The following GRHL2 variants were observed in gnomAD, a reference collection of about 807,000 sequenced individuals.
GRHL2 encodes the protein grainyhead-like protein 2 homolog.
Under a neutral mutation model 83.8 loss-of-function variants are expected in GRHL2, and 21 were observed. The ratio of observed to expected loss-of-function variants is 0.25; its 90% CI spans 0.18 to 0.36. GRHL2 has a LOEUF of 0.36. Among genes scored for constraint, GRHL2 ranks in the 10% least tolerant of loss-of-function variants. The pLI is 1.00. For missense variants in GRHL2, 623 were observed against 781.8 expected, an observed-to-expected ratio of 0.80 and a Z score of 2.42; for synonymous variants, 280 against 278.9, an observed-to-expected ratio of 1.00 and a Z score of -0.04.
chr8:101,637,009 C>A, intron 12 of GRHL2, 81 bp downstream of exon 12: 1 of 1,279,762 alleles, frequency 7.8e-7, no homozygotes, highest in Non-Finnish European at 1.1e-6. Context: ...CTTGGTAACC[C>A]TAGGCAGGAA....
intron 4 of GRHL2, chr8:101,562,473 A>G (rs184161647): frequency 1.1e-5 from 4 of 352,872 alleles, no homozygotes; most frequent in Middle Eastern, 3.9e-4. Flanking sequence ...CAAATATAAC[A>G]CTTCTCAATA....
Position 101,606,874 on chromosome 8 carries a change from T to C in GRHL2, c.1098+7723T>C, listed in dbSNP as rs141253048. Among the ~76,000 whole-genome samples, 839 of 152,340 alleles carry C rather than the reference T, an allele frequency of 5.5e-3. 4 individuals carry two copies. The highest frequency in any genetic ancestry group is 0.017 in the Middle Eastern group (5 of 294). ...TAACTCTATGTCCTCATTATCTCAA[T>C]TTTAGTAGCTTAAAAGATAAGATGG... On this transcript the variant is annotated intron_variant, in intron 8 of 15. Coordinates refer to ENST00000646743, the MANE Select transcript of GRHL2 (RefSeq NM_024915.4).
At chr8:101,655,989 T>C (rs911057112) in intron 14 of GRHL2, among the ~76,000 whole-genome samples, 2 of 152,204 alleles carry the variant, frequency 1.3e-5, no homozygotes, top group Admixed American at 1.3e-4. Flanking sequence ...GCCTGAAATG[T>C]CCTTCCTCCA....
chr8:101,558,166 C>T (rs551538658), intron 3 of GRHL2, among the ~76,000 whole-genome samples: 3 of 152,222 alleles, frequency 2.0e-5, no homozygotes, highest in East Asian at 1.9e-4. Flanking sequence ...CGCCTGGCCT[C>T]GTTTTGTTTT....
chr8:101,630,476 AC>A (rs1377466558), intron 9 of GRHL2, among the ~76,000 whole-genome samples: 1 of 152,178 alleles, frequency 6.6e-6, no homozygotes, highest in African/African-American at 2.4e-5. Flanking sequence ...ATTTTCGCCA[AC>A]TTGTCCTTTG....
chr8:101,609,538 T>G (rs1360810350), intron 8 of GRHL2, among the ~76,000 whole-genome samples: 8 of 151,034 alleles, frequency 5.3e-5, no homozygotes, highest in African/African-American at 2.0e-4. Flanking sequence ...CACGCACATG[T>G]GAACAAAAGC....
intron 8 of GRHL2, 99 bp from the exon 9 acceptor site, chr8:101,619,440 G>A: frequency 1.1e-6 from 1 of 950,766 alleles, no homozygotes; most frequent in South Asian, 1.3e-5. Flanking sequence ...TTGTCTTTAT[G>A]GGGTTGTTTA....
intron 1 of GRHL2, among the ~76,000 whole-genome samples, chr8:101,514,000 G>A (rs765863314): frequency 2.0e-5 from 3 of 152,090 alleles, no homozygotes; most frequent in African/African-American, 7.2e-5. Flanking sequence ...ACACTAAGGC[G>A]AAGTTTCAGC....
chr8:101,567,359 T>C (rs1240473257), intron 4 of GRHL2, among the ~76,000 whole-genome samples: 1 of 152,204 alleles, frequency 6.6e-6, no homozygotes, highest in Non-Finnish European at 1.5e-5. Context: ...ACAAATTATA[T>C]TAATAGGTCT....
chr8:101,499,464 CT>C (rs57305172), intron 1 of GRHL2, among the ~76,000 whole-genome samples: 21,541 of 151,806 alleles, frequency 0.14, 2,422 homozygotes, highest in African/African-American at 0.31. Context: ...CCCATATTAA[CT>C]TGGTGAGAAC....
intron 4 of GRHL2, among the ~76,000 whole-genome samples, chr8:101,568,571 A>G (rs180752509): frequency 8.0e-5 from 12 of 149,750 alleles, no homozygotes; most frequent in African/African-American, 2.7e-4. Context: ...ATATATAGCC[A>G]TTTTCTGTAT....
At chr8:101,656,994 C>A (rs927786039) in intron 14 of GRHL2, among the ~76,000 whole-genome samples, 2 of 152,136 alleles carry the variant, frequency 1.3e-5, no homozygotes, top group Admixed American at 6.5e-5. Flanking sequence ...GGGATGTTCT[C>A]TCTCAATGAA....
intron 2 of GRHL2, among the ~76,000 whole-genome samples, chr8:101,550,437 A>C (rs112603319): frequency 0.021 from 3,128 of 152,170 alleles, 104 homozygotes; most frequent in African/African-American, 0.071. Context: ...ATAAGTCAGA[A>C]CACGCGGTAT....
At chr8:101,529,576 C>A (rs908891307) in intron 1 of GRHL2, 3 of 242,066 alleles carry the variant, frequency 1.2e-5, no homozygotes, top group Non-Finnish European at 2.5e-5. Flanking sequence ...CATCTTGTTA[C>A]CCCTCACTCC....
intron 8 of GRHL2, among the ~76,000 whole-genome samples, chr8:101,600,397 C>G (rs1333120959): frequency 6.6e-6 from 1 of 152,244 alleles, no homozygotes; most frequent in Non-Finnish European, 1.5e-5. Flanking sequence ...ACTTTGTTAA[C>G]CTCCTCGGCT....
chr8:101,665,197 T>A lies in GRHL2; in HGVS notation c.1763+679T>A, dbSNP rs189795208. Among the ~76,000 whole-genome samples the A allele has an allele frequency of 1.8e-3, 271 of 152,288 alleles. 2 individuals carry two copies. The highest frequency in any genetic ancestry group is 2.5e-3 in the Non-Finnish European group (171 of 68,030). On this transcript the variant is annotated intron_variant, in intron 15 of 15. Coordinates refer to ENST00000646743, the MANE Select transcript of GRHL2 (RefSeq NM_024915.4). ...GAGGACAGATTTGAACCCATCTGTG[T>A]CCTCAAAGCTCAAGTGCTTAGCTTC... is the stretch of plus-strand genomic sequence containing the variant.
intron 1 of GRHL2, among the ~76,000 whole-genome samples, chr8:101,511,015 C>T (rs1314913186): frequency 6.6e-6 from 1 of 152,024 alleles, no homozygotes; most frequent in African/African-American, 2.4e-5. Context: ...GCAAGAGAAT[C>T]GCTTGAACCT....
chr8:101,678,207 C>T, the GRHL2 span, among the ~76,000 whole-genome samples: 8 of 152,038 alleles, frequency 5.3e-5, no homozygotes, highest in South Asian at 2.1e-4. Flanking sequence ...AGGCAGTGGG[C>T]GCAGGTCAGT....
intron 14 of GRHL2, among the ~76,000 whole-genome samples, chr8:101,654,748 C>T (rs904151728): frequency 6.6e-6 from 1 of 152,218 alleles, no homozygotes; most frequent in Non-Finnish European, 1.5e-5. Flanking sequence ...AGTGTTCCTA[C>T]AGCCTACAAG....
Sources: gnomAD v4.1 joint callset for allele counts (sites outside exome capture counted in the v4.1 genomes callset) on GRCh38, gnomAD v4.1.1 for gene constraint, MANE v1.5 for transcripts, NCBI Gene and HGNC (gene_info 2026-07-23, HGNC 2026-07-21) for gene names.